The following TLL2 variants were observed in gnomAD, a reference collection of about 807,000 sequenced individuals.
TLL2 encodes tolloid-like protein 2.
Under a neutral mutation model 123.0 loss-of-function variants are expected in TLL2, and 106 were observed. The observed-to-expected ratio is 0.86, with a 90% CI of 0.74 to 1.01. The LOEUF (loss-of-function observed/expected upper bound fraction) is 1.01. TLL2 is among the 50% of genes least tolerant of loss of function. TLL2 has a pLI of 0.00. For missense variants in TLL2, 1,332 were observed against 1,336.7 expected (o/e 1.00, Z 0.06); for synonymous variants, 494 against 516.8 (o/e 0.96, Z 0.60).
chr10:96,373,873 T>A, intron 18 of TLL2, 64 bp from the exon 19 acceptor site: 1 of 1,491,266 alleles, frequency 6.7e-7, no homozygotes, highest in Admixed American at 1.7e-5. Context: ...GGGGCCTCCT[T>A]TCCAGTTCTG....
chr10:96,505,591 T>C (rs1343703503), intron 1 of TLL2, among the ~76,000 whole-genome samples: 3 of 152,222 alleles, frequency 2.0e-5, no homozygotes, highest in Non-Finnish European at 4.4e-5. Flanking sequence ...ATAAGGACAG[T>C]GTCCCAGCAA....
chr10:96,434,433 T>C (rs1193499589), intron 3 of TLL2, among the ~76,000 whole-genome samples: 1 of 152,272 alleles, frequency 6.6e-6, no homozygotes, highest in Non-Finnish European at 1.5e-5. Flanking sequence ...TTCCTAGAGA[T>C]GGAATCACAC....
Position 96,413,288 on chromosome 10 carries a change from G to C in TLL2, c.952C>G (p.Arg318Gly). 4 of 1,614,016 alleles carry C rather than the reference G, an allele frequency of 2.5e-6. No individual in the cohort carries two copies. Among genetic ancestry groups the C allele is most frequent in the Non-Finnish European group, 3.4e-6 (4 of 1,179,882 alleles). ...GGCCTGACGCCATTGTCATCTTGAC[G>C]GGGAAGGATGGTGTCTAAGAAAACT... ...RGVFLDTILPRQDDNGVRPTI... is the reference protein window; with the variant it reads ...RGVFLDTILPGQDDNGVRPTI... The change falls in exon 8 of 21, where the codon CGT becomes GGT. Residue 318 changes from arginine to glycine, a missense_variant. By Grantham distance (125) the Arg-to-Gly change is moderately radical. Transcript: ENST00000357947.
chr10:96,413,901 A>G (rs936128572), intron 7 of TLL2, among the ~76,000 whole-genome samples: 1 of 152,150 alleles, frequency 6.6e-6, no homozygotes, highest in African/African-American at 2.4e-5. Context: ...TTTCTACACT[A>G]GGCCTGTGTG....
intron 2 of TLL2, among the ~76,000 whole-genome samples, chr10:96,470,214 T>C (rs775026823): frequency 7.2e-5 from 11 of 152,358 alleles, no homozygotes; most frequent in Non-Finnish European, 1.5e-4. Context: ...GCTCCATCCC[T>C]GAGCCTGAGA....
intron 1 of TLL2, among the ~76,000 whole-genome samples, chr10:96,488,447 G>C (rs918040085): frequency 6.6e-6 from 1 of 152,160 alleles, no homozygotes; most frequent in Admixed American, 6.5e-5. Flanking sequence ...ACGCCAGCCC[G>C]GGCTCCCACA....
intron 10 of TLL2, among the ~76,000 whole-genome samples, chr10:96,404,561 A>G (rs1237131504): frequency 6.6e-6 from 1 of 152,144 alleles, no homozygotes; most frequent in Non-Finnish European, 1.5e-5. Context: ...CAGCCTGTAC[A>G]CATGTTTTAA....
intron 2 of TLL2, among the ~76,000 whole-genome samples, chr10:96,476,141 C>T (rs781008311): frequency 9.3e-5 from 14 of 150,206 alleles, no homozygotes; most frequent in Non-Finnish European, 1.5e-4. Flanking sequence ...ATGAGATTAA[C>T]TTGCATCTAA....
intron 2 of TLL2, among the ~76,000 whole-genome samples, chr10:96,476,216 T>TCATATATATATATATATATA (rs1554939587): frequency 9.0e-5 from 3 of 33,328 alleles, no homozygotes; most frequent in African/African-American, 2.6e-4. Flanking sequence ...CTTTTTAATT[T>TCATATATATATATATATATA]TATATGTATA....
rs142853924 is a variant in TLL2, at chr10:96,494,635, A to G, written c.176-14176T>C. On this transcript the variant is annotated intron_variant, in intron 1 of 20. Transcript: ENST00000357947. ...CCTACCCGTGGACCTAATCACAAAT[A>G]TTCTGCAGTGGCTCTGTATCTTGGG... Among the ~76,000 whole-genome samples the G allele has an allele frequency of 8.0e-4, 122 of 152,360 alleles. 1 individual carries two copies. The highest frequency in any genetic ancestry group is 2.7e-3 in the African/African-American group (114 of 41,598).
At chr10:96,425,147 A>G (rs930601886) in intron 5 of TLL2, among the ~76,000 whole-genome samples, 1 of 151,734 alleles carries the variant, frequency 6.6e-6, no homozygotes, top group Non-Finnish European at 1.5e-5. Flanking sequence ...TTTTTTGTAT[A>G]TATCTATTTT....
chr10:96,432,265 T>C (rs980023854), intron 4 of TLL2, among the ~76,000 whole-genome samples: 8 of 152,340 alleles, frequency 5.3e-5, no homozygotes, highest in African/African-American at 1.9e-4. Context: ...CATCCCCATT[T>C]ACAGAAGAGG....
chr10:96,384,657 G>C lies in TLL2; in HGVS notation c.2124C>G (p.Asn708Lys). 2.5e-6 allele frequency: 4 copies of C among 1,612,946 alleles called. No individual in the cohort carries two copies. The highest frequency in any genetic ancestry group is 3.4e-6 in the Non-Finnish European group (4 of 1,179,320). The change falls in exon 16 of 21, where the codon AAC (asparagine) becomes AAG (lysine). Residue 708 changes from asparagine to lysine, a missense_variant. By Grantham distance (94) the Asn-to-Lys change is moderately conservative. Coordinates refer to ENST00000357947, the MANE Select transcript of TLL2 (RefSeq NM_012465.4). Reference sequence around the variant, plus strand: ...CGGACTTGAACTCCACGCGCATGTTGTTGCTCTGCGAGGTGATGACCTCCG... The same window carrying C: ...CGGACTTGAACTCCACGCGCATGTTCTTGCTCTGCGAGGTGATGACCTCCG... ...ETPEVITSQS[N>K]NMRVEFKSDN...
chr10:96,477,212 T>C (rs1326529400), intron 2 of TLL2, among the ~76,000 whole-genome samples: 1 of 150,420 alleles, frequency 6.6e-6, no homozygotes, highest in East Asian at 1.9e-4. Context: ...AAAAACACAC[T>C]AGAAAAAAAA....
intron 12 of TLL2, among the ~76,000 whole-genome samples, chr10:96,395,635 T>C (rs1009717594): frequency 6.6e-6 from 1 of 152,212 alleles, no homozygotes; most frequent in African/African-American, 2.4e-5. Flanking sequence ...GATCCCATCC[T>C]GAATTTTCAC....
intron 2 of TLL2, among the ~76,000 whole-genome samples, chr10:96,473,830 G>GAACA (rs1210569365): frequency 4.6e-5 from 7 of 152,050 alleles, no homozygotes; most frequent in African/African-American, 4.8e-5. Context: ...ACTCTTTGGG[G>GAACA]AACAAACAAA....
At position 96,397,221 on chromosome 10, in the gene TLL2, T is replaced by C. The variant is rs1205876498; in HGVS notation, c.1349A>G (p.Asn450Ser). ...RLWVEFRSSS[N>S]ILGKGFFAAY... is the part of the protein sequence containing the mutation. ...TGCAAAGAAGCCCTTGCCCAAGATG[T>C]TGCTGCTGCTGCGGAACTCCACCCA... The change falls in exon 11 of 21, where the codon AAC becomes AGC. Residue 450 changes from asparagine (N) to serine (S), a missense_variant. Asn to Ser is a conservative substitution (Grantham distance 46, BLOSUM62 1). Coordinates refer to ENST00000357947, the MANE Select transcript of TLL2 (RefSeq NM_012465.4). 2 of 1,613,774 alleles carry C rather than the reference T, an allele frequency of 1.2e-6. No individual in the cohort carries two copies. The highest frequency in any genetic ancestry group is 3.3e-5 in the Admixed American group (2 of 59,980).
chr10:96,478,793 C>CA (rs1847283451), intron 2 of TLL2, among the ~76,000 whole-genome samples: 1 of 152,000 alleles, frequency 6.6e-6, no homozygotes, highest in South Asian at 2.1e-4. Context: ...TACTTTGGGA[C>CA]ACGTATTAAC....
chr10:96,464,905 C>T (rs1352175071), intron 2 of TLL2, among the ~76,000 whole-genome samples: 1 of 152,224 alleles, frequency 6.6e-6, no homozygotes, highest in Non-Finnish European at 1.5e-5. Context: ...GGGATTAAGT[C>T]TTTCTCACTA....
Sources: allele counts gnomAD v4.1 joint callset (sites outside exome capture counted in the v4.1 genomes callset), GRCh38; gene constraint gnomAD v4.1.1; transcripts MANE v1.5; gene names NCBI Gene and HGNC (gene_info 2026-07-23, HGNC 2026-07-21).